Variants in TEDC1 observed in about 807,000 individuals in gnomAD.
The protein encoded by TEDC1 is tubulin epsilon and delta complex protein 1.
Under a neutral mutation model 59.9 loss-of-function variants are expected in TEDC1, and 54 were observed. The ratio of observed to expected loss-of-function variants is 0.90; its 90% CI spans 0.72 to 1.13. The LOEUF (loss-of-function observed/expected upper bound fraction) is 1.13. Among genes scored for constraint, TEDC1 ranks in the 50% most tolerant of loss-of-function variants. The pLI, the probability that TEDC1 is intolerant of heterozygous loss-of-function variation, is 0.00. For missense variants in TEDC1, 734 were observed against 683.4 expected (o/e 1.07, Z -0.83); for synonymous variants, 353 against 298.1 (o/e 1.18, Z -1.90).
In TEDC1 at chr14:105,491,279, C is replaced by T. The variant is rs1246574210; in HGVS notation, c.-97C>T. 3 of 1,519,262 alleles carry T rather than the reference C, an allele frequency of 2.0e-6. No individual in the cohort carries two copies. The highest frequency in any genetic ancestry group is 2.6e-6 in the Non-Finnish European group (3 of 1,136,594). The allele number at this position is 1,519,262 out of a possible 1,614,324, so 94.1% of individuals were successfully genotyped here. ...GCCGGAGCGGTAACTGGGCGCAGGT[C>T]CCAGCCGCCGCACTAAACCCGGCCC... On this transcript the variant is annotated 5_prime_UTR_variant, in exon 1 of 9. Transcript: ENST00000392523.
chr14:105,498,520 G>A lies in TEDC1; in HGVS notation c.1159-97G>A. The A allele has an allele frequency of 3.0e-6, 4 of 1,324,902 alleles. No homozygotes were observed. The East Asian group carries it at 7.6e-5, about 25-fold the overall frequency. 82.1% of individuals were successfully genotyped at this position (1,324,902 alleles called of 1,614,324 possible). On this transcript the variant is annotated intron_variant, in intron 8 of 8. Coordinates refer to ENST00000392523, the MANE Select transcript of TEDC1 (RefSeq NM_001367178.1). ...GAGCATGGGCGTTTCCCGCATGCCT[G>A]CAGCGCCTGCACCTGAGTCTGGGCT...
Position 105,491,663 on chromosome 14 carries a change from A to G in TEDC1, c.189A>G (p.Pro63=), listed in dbSNP as rs1555439359. The G allele has an allele frequency of 1.3e-6, 2 of 1,549,182 alleles. No individual in the cohort carries two copies. The highest frequency in any genetic ancestry group is 2.4e-5 in the East Asian group (1 of 40,864). ...LWQLLFRVLS[P]LPAGNALASL... is the part of the protein sequence containing the mutation. ...AGCTCCTCTTCCGTGTGCTCTCGCC[A>G]CTCCCTGCGGGCAACGCCTTGGCAT... The change falls in exon 2 of 9, where the codon CCA becomes CCG. Residue 63 remains proline, a synonymous_variant. Transcript: ENST00000392523.
At chr14:105,491,761 C>T in intron 2 of TEDC1, 61 bp downstream of exon 2, 9 of 1,490,132 alleles carry the variant, frequency 6.0e-6, no homozygotes, top group Non-Finnish European at 8.1e-6. Context: ...TCCTGTAAAG[C>T]CCCGCCTTCC....
rs1555439741 is a variant in TEDC1 at position 105,492,696 on chromosome 14, G to T, written c.547G>T (p.Val183Leu). ...GKLRFRWRQL[V>L]SSQQEQCALL... ...GCTGCGGTTCCGGTGGCGCCAGCTG[G>T]TGTCCAGTCAGCAGGAGCAGTGCGC... Residue 183 changes from valine (V) to leucine (L), a missense_variant, in exon 4 of 9, where the codon GTG becomes TTG. Physicochemically the swap from Val to Leu is conservative, Grantham distance 32 (BLOSUM62 1). Transcript: ENST00000392523. The T allele has an allele frequency of 6.5e-7, 1 of 1,544,624 alleles. No homozygotes were observed. Among genetic ancestry groups the T allele is most frequent in the Middle Eastern group, 1.7e-4 (1 of 5,988 alleles).
rs782151673 is a variant in TEDC1 at position 105,497,822 on chromosome 14, C to T, written c.1003C>T (p.Pro335Ser). Residue 335 changes from proline (P) to serine (S), a missense_variant, in exon 8 of 9, where the codon CCG (proline) becomes TCG (serine). Transcript: ENST00000392523. ...GGACACGGTCCTGGGCACCTGTGCC[C>T]CGGAGGTGCCTGCTGCAGCCTCACA... Reference protein sequence around the residue: ...WMDTVLGTCAPEVPAAASQPT... With the variant: ...WMDTVLGTCASEVPAAASQPT... 1.9e-6 allele frequency: 3 copies of T among 1,572,014 alleles called. No individual in the cohort carries two copies. In the East Asian group the frequency reaches 6.9e-5, roughly 36 times the overall value.
At chr14:105,490,078 G>GGA (rs2084174230), upstream of TEDC1, 1 of 152,236 alleles carries the variant, frequency 6.6e-6, no homozygotes, top group African/African-American at 2.4e-5. Flanking sequence ...GCGCCGTGAA[G>GGA]GAGATCGCGA....
intron 4 of TEDC1, 61 bp from the exon 5 acceptor site, chr14:105,493,774 C>A: frequency 8.1e-7 from 1 of 1,229,610 alleles, no homozygotes; most frequent in Non-Finnish European, 1.2e-6. Context: ...CTCATGGAGA[C>A]TCAGCGTTGG....
In TEDC1 at chr14:105,491,309, G is replaced by A. The variant is rs1555439185; in HGVS notation, c.-67G>A. The A allele has an allele frequency of 1.3e-6, 2 of 1,489,704 alleles. No homozygotes were observed. The highest frequency in any genetic ancestry group is 1.4e-5 in the African/African-American group (1 of 71,916). 92.3% of individuals were successfully genotyped at this position (1,489,704 alleles called of 1,614,324 possible). A position where few individuals can be genotyped will look rare whatever the true frequency, so the allele number is the denominator to read the frequency against. On this transcript the variant is annotated 5_prime_UTR_variant, in exon 1 of 9. Coordinates refer to ENST00000392523, the MANE Select transcript of TEDC1 (RefSeq NM_001367178.1). Reference sequence around the variant, plus strand: ...CCGCCGCACTAAACCCGGCCCGTGCGGTGATTGGACGCAGGCCCCGGGCCG... The same window carrying A: ...CCGCCGCACTAAACCCGGCCCGTGCAGTGATTGGACGCAGGCCCCGGGCCG...
rs782451914 is a variant in TEDC1, at chr14:105,492,118, C to T, written c.238C>T (p.Arg80Cys). ...GTCTTCTGTCCTAGAGGTCCAAGCCCGCTTGGTGAAGTCAGCACTATGCTC... is the reference window on the plus strand; with the variant it reads ...GTCTTCTGTCCTAGAGGTCCAAGCCTGCTTGGTGAAGTCAGCACTATGCTC... Reference protein sequence around the residue: ...LASLALEVQARLVKSALCSQG... With the variant: ...LASLALEVQACLVKSALCSQG... Residue 80 changes from arginine (R) to cysteine (C), a missense_variant, in exon 3 of 9, where the codon CGC (arginine) becomes TGC (cysteine). Arg to Cys is a radical substitution (Grantham distance 180). Coordinates refer to ENST00000392523, the MANE Select transcript of TEDC1 (RefSeq NM_001367178.1). The T allele has an allele frequency of 2.2e-5, 36 of 1,607,194 alleles. No individual in the cohort carries two copies. The highest frequency in any genetic ancestry group is 6.6e-5 in the South Asian group (6 of 90,328).
At chr14:105,490,496 C>G (rs1178193124), upstream of TEDC1, 1 of 152,252 alleles carries the variant, frequency 6.6e-6, no homozygotes, top group Non-Finnish European at 1.5e-5. Flanking sequence ...CGGGGCCGCC[C>G]GTGCAGGCGG....
At chr14:105,490,148 G>A (rs1435608551), upstream of TEDC1, 2 of 150,984 alleles carry the variant, frequency 1.3e-5, no homozygotes, top group Non-Finnish European at 2.9e-5. Flanking sequence ...GGGAGGGAGA[G>A]GAGGGGCTTG....
At chr14:105,495,820 C>T (rs1405594728) in intron 5 of TEDC1, 60 bp from the exon 6 acceptor site, 5 of 1,367,616 alleles carry the variant, frequency 3.7e-6, no homozygotes, top group Admixed American at 4.3e-5. Context: ...CCGCCCTCTC[C>T]CCGAAGCTGT....
chr14:105,496,342 C>T (rs1487829407), intron 6 of TEDC1: 2 of 511,462 alleles, frequency 3.9e-6, no homozygotes, highest in Non-Finnish European at 7.0e-6. Context: ...TGCTCCAGCT[C>T]CCACACCGCC....
chr14:105,491,963 C>T (rs2084223523), intron 2 of TEDC1, 144 bp from the exon 3 acceptor site: 8 of 959,838 alleles, frequency 8.3e-6, no homozygotes, highest in African/African-American at 1.6e-5. Flanking sequence ...TCATCCTGGT[C>T]TGAGTTCTAG....
chr14:105,497,439 G>C lies in TEDC1; in HGVS notation c.974G>C (p.Trp325Ser). The C allele has an allele frequency of 6.5e-7, 1 of 1,546,974 alleles. No homozygotes were observed. Among genetic ancestry groups the C allele is most frequent in the Non-Finnish European group, 8.7e-7 (1 of 1,147,948 alleles). ...WRRSELVFWR[W>S]MDTVLGTCAP... is the part of the protein sequence containing the mutation. ...CGCTCTGAGCTGGTCTTCTGGCGGT[G>C]GATGGTGAGGAAGCCCGCGCATCCC... Residue 325 changes from tryptophan to serine, a missense_variant, in exon 7 of 9, where the codon TGG becomes TCG. By Grantham distance (177) the Trp-to-Ser change is radical (BLOSUM62 -3). Transcript: ENST00000392523.
intron 2 of TEDC1, 129 bp from the exon 3 acceptor site, chr14:105,491,978 C>T (rs1305200145): frequency 7.8e-6 from 8 of 1,028,036 alleles, no homozygotes; most frequent in Non-Finnish European, 1.1e-5. Context: ...TTCTAGCTCT[C>T]CCACTATCAT....
At chr14:105,491,870 G>A (rs587712601) in intron 2 of TEDC1, among the ~76,000 whole-genome samples, 170 bp downstream of exon 2, 1 of 151,912 alleles carries the variant, frequency 6.6e-6, no homozygotes, top group South Asian at 2.1e-4. Context: ...GCCCCCTGAT[G>A]GGCCCTAGCT....
chr14:105,496,146 G>GGGGGCCCCCC, intron 6 of TEDC1, 60 bp downstream of exon 6: 1 of 331,608 alleles, frequency 3.0e-6, no homozygotes, highest in Non-Finnish European at 5.9e-6. Context: ...GGGTGGGAGG[G>GGGGGCCCCCC]GGTGGCGAGG....
intron 2 of TEDC1, 116 bp from the exon 3 acceptor site, chr14:105,491,991 C>G (rs1455850904): frequency 8.9e-6 from 10 of 1,129,860 alleles, no homozygotes; most frequent in Non-Finnish European, 1.3e-5. Flanking sequence ...ACTATCATCT[C>G]TTCTGAACTA....
Sources: allele counts gnomAD v4.1 joint callset (sites outside exome capture counted in the v4.1 genomes callset), GRCh38; gene constraint gnomAD v4.1.1; transcripts MANE v1.5; gene names NCBI Gene and HGNC (gene_info 2026-07-23, HGNC 2026-07-21).